Variants in SLC39A8 observed in about 807,000 individuals in gnomAD.
SLC39A8 encodes metal cation symporter ZIP8.
Under a neutral mutation model 40.4 loss-of-function variants are expected in SLC39A8, and 15 were observed. That is an observed-to-expected ratio of 0.37 (90% confidence interval 0.25 to 0.57). The LOEUF is 0.57. SLC39A8 is among the 20% of genes least tolerant of loss of function. SLC39A8 has a pLI of 0.75. For missense variants in SLC39A8, 472 were observed against 558.8 expected (o/e 0.84, Z 1.57); for synonymous variants, 223 against 221.6 (o/e 1.01, Z -0.06).
chr4:102,260,955 G>A (rs1731831319), downstream of SLC39A8, among the ~76,000 whole-genome samples: 1 of 152,198 alleles, frequency 6.6e-6, no homozygotes. Flanking sequence ...CTGATTCTGG[G>A]ACCATCCAGA....
At chr4:102,307,906 T>A (rs925886384) in intron 3 of SLC39A8, among the ~76,000 whole-genome samples, 5 of 151,340 alleles carry the variant, frequency 3.3e-5, no homozygotes, top group Non-Finnish European at 7.4e-5. Context: ...CGACAAACAA[T>A]CTGAGATCCA....
rs181833886 is a variant in SLC39A8, at chr4:102,265,349, T to A, written c.1233+2141A>T. 2.6e-5 allele frequency among the ~76,000 whole-genome samples: 4 copies of A among 152,270 alleles called. No homozygotes were observed. The East Asian group carries it at 5.8e-4, about 22-fold the overall frequency. ...GTGCAGGGAGAAAACACACACAACATTTGTCAATTAAGTTCACCATTTTAT... is the reference window on the plus strand; with the variant it reads ...GTGCAGGGAGAAAACACACACAACAATTGTCAATTAAGTTCACCATTTTAT... On this transcript the variant is annotated intron_variant, in intron 8 of 8. Coordinates refer to ENST00000356736, the MANE Select transcript of SLC39A8 (RefSeq NM_001135146.2).
intron 2 of SLC39A8, among the ~76,000 whole-genome samples, chr4:102,336,075 C>T (rs983263966): frequency 6.6e-6 from 1 of 152,024 alleles, no homozygotes; most frequent in African/African-American, 2.4e-5. Context: ...CATACATTGT[C>T]TTTTGTATTA....
At chr4:102,306,931 T>A (rs1051238482) in intron 4 of SLC39A8, among the ~76,000 whole-genome samples, 3 of 152,070 alleles carry the variant, frequency 2.0e-5, no homozygotes, top group African/African-American at 7.2e-5. Flanking sequence ...TGATATTTTT[T>A]CCACAGTTGG....
intron 4 of SLC39A8, among the ~76,000 whole-genome samples, chr4:102,306,490 A>T (rs1242270074): frequency 8.1e-6 from 1 of 123,316 alleles, no homozygotes; most frequent in Non-Finnish European, 1.7e-5. Context: ...TAAATCTATA[A>T]CTCTAAAAAG....
intron 5 of SLC39A8, among the ~76,000 whole-genome samples, 194 bp downstream of exon 5, chr4:102,304,795 T>C (rs989212231): frequency 6.7e-6 from 1 of 149,636 alleles, no homozygotes; most frequent in Non-Finnish European, 1.5e-5. Flanking sequence ...AAAAATAACC[T>C]CCAAATTTTA....
chr4:102,337,860 A>G (rs914473474), intron 2 of SLC39A8, among the ~76,000 whole-genome samples: 6 of 152,244 alleles, frequency 3.9e-5, no homozygotes, highest in Non-Finnish European at 7.3e-5. Flanking sequence ...AATTCATTAT[A>G]TATGAAACAA....
Position 102,262,508 on chromosome 4 carries a change from A to G in SLC39A8, c.*536T>C. On this transcript the variant is annotated 3_prime_UTR_variant, in exon 9 of 9. Transcript: ENST00000356736. ...TAATTGAAATACAAAACAGAACAAA[A>G]AGCTGTGAGAAATCTTTTTTTTCTT... is the stretch of plus-strand genomic sequence containing the variant. 4 of 985,344 alleles carry G rather than the reference A, an allele frequency of 4.1e-6. No individual in the cohort carries two copies. The highest frequency in any genetic ancestry group is 4.8e-6 in the Non-Finnish European group (4 of 829,722). The allele number at this position is 985,344 out of a possible 1,614,324, so 61.0% of individuals were successfully genotyped here.
At chr4:102,281,202 G>A (rs995157102) in intron 6 of SLC39A8, among the ~76,000 whole-genome samples, 4 of 152,134 alleles carry the variant, frequency 2.6e-5, no homozygotes, top group African/African-American at 9.7e-5. Flanking sequence ...GGATTCAGGA[G>A]GCACCAGGAA....
intron 6 of SLC39A8, among the ~76,000 whole-genome samples, chr4:102,280,017 G>A (rs1293668707): frequency 1.3e-5 from 2 of 152,298 alleles, no homozygotes; most frequent in Middle Eastern, 3.4e-3. Context: ...TGCTCAGCAG[G>A]TTCCAGACAG....
chr4:102,329,063 T>C lies in SLC39A8; in HGVS notation c.220-13233A>G, dbSNP rs138369316. Among the ~76,000 whole-genome samples the C allele has an allele frequency of 4.3e-4, 64 of 150,412 alleles. No homozygotes were observed. The South Asian group carries it at 8.9e-3, about 21-fold the overall frequency. On this transcript the variant is annotated intron_variant, in intron 2 of 8. Coordinates refer to ENST00000356736, the MANE Select transcript of SLC39A8 (RefSeq NM_001135146.2). ...AAAAAAGACATATATAACTGTAGCA[T>C]AGTCTGGTAAGTGTGGAGGTAGGCT...
chr4:102,321,250 G>C (rs1360113539), intron 2 of SLC39A8, among the ~76,000 whole-genome samples: 1 of 152,180 alleles, frequency 6.6e-6, no homozygotes, highest in Non-Finnish European at 1.5e-5. Flanking sequence ...AGAGGAAATA[G>C]TCAAAAACAA....
At position 102,344,550 on chromosome 4, in the gene SLC39A8, C is replaced by T; in HGVS notation, c.113G>A (p.Gly38Asp). The T allele has an allele frequency of 5.1e-6, 8 of 1,556,178 alleles. No homozygotes were observed. The highest frequency in any genetic ancestry group is 7.0e-6 in the Non-Finnish European group (8 of 1,150,006). ...AFSEDVLSVF[G>D]ANLSLSAAQL... is the part of the protein sequence containing the mutation. ...CGCCGCCGACAGGCTCAGATTCGCG[C>T]CGAACACGCTCAGCACATCCTCGCT... is the stretch of plus-strand genomic sequence containing the variant. The change falls in exon 2 of 9, where the codon GGC becomes GAC. Residue 38 changes from glycine to aspartate, a missense_variant. By Grantham distance (94) the Gly-to-Asp change is moderately conservative (BLOSUM62 -1). Around this residue, in one of 4 missense-constraint regions of SLC39A8, gnomAD observed 175 missense variants for 160.5 expected, o/e 1.09. Transcript: ENST00000356736.
intron 3 of SLC39A8, among the ~76,000 whole-genome samples, chr4:102,308,687 G>T (rs138356631): frequency 6.6e-6 from 1 of 152,154 alleles, no homozygotes; most frequent in Non-Finnish European, 1.5e-5. Context: ...CCTCTGCATA[G>T]CCACTTCTTT....
chr4:102,295,925 T>C (rs1207605330), intron 6 of SLC39A8, among the ~76,000 whole-genome samples: 3 of 152,120 alleles, frequency 2.0e-5, no homozygotes, highest in African/African-American at 7.2e-5. Flanking sequence ...AATGTAGTGT[T>C]TTCCTTCCTT....
intron 2 of SLC39A8, among the ~76,000 whole-genome samples, chr4:102,343,076 CA>C (rs1247276843): frequency 1.3e-5 from 2 of 151,972 alleles, no homozygotes; most frequent in Admixed American, 1.3e-4. Context: ...TCCATTTTTC[CA>C]ACACATCATT....
chr4:102,308,209 G>A (rs1734276499), intron 3 of SLC39A8, among the ~76,000 whole-genome samples: 1 of 152,062 alleles, frequency 6.6e-6, no homozygotes, highest in Admixed American at 6.6e-5. Flanking sequence ...GGGAATCAAA[G>A]TCAGTCTGAT....
chr4:102,267,403 C>G, intron 8 of SLC39A8, 87 bp downstream of exon 8: 1 of 1,268,890 alleles, frequency 7.9e-7, no homozygotes, highest in East Asian at 2.6e-5. Flanking sequence ...CTGCGGAAAG[C>G]AGAAGGCCAC....
At chr4:102,276,723 G>A (rs1038999204) in intron 6 of SLC39A8, among the ~76,000 whole-genome samples, 4 of 152,042 alleles carry the variant, frequency 2.6e-5, no homozygotes, top group African/African-American at 9.7e-5. Flanking sequence ...GATGAACATC[G>A]ACGCAAAAAT....
Sources: allele counts gnomAD v4.1 joint callset (sites outside exome capture counted in the v4.1 genomes callset), GRCh38; gene constraint gnomAD v4.1.1; regional missense constraint gnomAD v4.1.1; transcripts MANE v1.5; gene names NCBI Gene and HGNC (gene_info 2026-07-23, HGNC 2026-07-21).